GRIK1: variants seen among roughly 807,000 people sequenced by gnomAD.
GRIK1 encodes the protein glutamate receptor ionotropic, kainate 1.
A neutral mutation model predicts 105.7 loss-of-function variants in GRIK1; 69 were observed. That is an observed-to-expected ratio of 0.65 (90% confidence interval 0.54 to 0.80). GRIK1 has a LOEUF of 0.80. GRIK1 is among the 30% of genes least tolerant of loss of function. The probability of loss-of-function intolerance (pLI) is 0.00; values close to 1 mark genes in which losing one functional copy is unlikely to be tolerated. For missense variants in GRIK1, 1,109 were observed against 1,167.3 expected (o/e 0.95, Z 0.73); for synonymous variants, 438 against 431.3 (o/e 1.02, Z -0.19).
At chr21:29,740,177 T>A (rs372792255) in intron 1 of GRIK1, among the ~76,000 whole-genome samples, 1 of 151,918 alleles carries the variant, frequency 6.6e-6, no homozygotes, top group Non-Finnish European at 1.5e-5. Context: ...ATGGTCCTTA[T>A]CACATGGCAG....
chr21:29,774,975 A>T (rs963406309), intron 1 of GRIK1, among the ~76,000 whole-genome samples: 4 of 152,110 alleles, frequency 2.6e-5, no homozygotes, highest in African/African-American at 9.7e-5. Flanking sequence ...CCTGCTCCTC[A>T]TATACTATCC....
intron 1 of GRIK1, among the ~76,000 whole-genome samples, chr21:29,924,430 G>T (rs930778106): frequency 6.6e-6 from 1 of 151,982 alleles, no homozygotes; most frequent in African/African-American, 2.4e-5. Flanking sequence ...ATGAAGCATT[G>T]AGCTCATGAC....
rs115624089 is a variant in GRIK1 at position 29,605,223 on chromosome 21, G to C, written c.1099-6286C>G. Among the ~76,000 whole-genome samples, 438 of 152,076 alleles carry C rather than the reference G, an allele frequency of 2.9e-3. 4 individuals are homozygous for C. The highest frequency in any genetic ancestry group is 9.8e-3 in the African/African-American group (408 of 41,490). On this transcript the variant is annotated intron_variant, in intron 7 of 17. Coordinates refer to ENST00000327783, the MANE Select transcript of GRIK1 (RefSeq NM_001330994.2). ...TCCTGATGCTCTCCCTCCCCTGTCC[G>C]CATCTCTGACAGGCCCTAGTGTGTT... is the stretch of plus-strand genomic sequence containing the variant.
At chr21:29,881,013 G>T (rs1036896903) in intron 1 of GRIK1, among the ~76,000 whole-genome samples, 3 of 152,088 alleles carry the variant, frequency 2.0e-5, no homozygotes, top group African/African-American at 7.2e-5. Flanking sequence ...GTTTTGAGAA[G>T]CACCCAGGAG....
intron 4 of GRIK1, among the ~76,000 whole-genome samples, chr21:29,659,753 G>A (rs778668449): frequency 6.6e-6 from 1 of 152,158 alleles, no homozygotes; most frequent in Non-Finnish European, 1.5e-5. Context: ...CTGAGGTCGG[G>A]AGTTCAAGAT....
chr21:29,890,490 T>A (rs1007378775), intron 1 of GRIK1, among the ~76,000 whole-genome samples: 2 of 152,116 alleles, frequency 1.3e-5, no homozygotes, highest in Admixed American at 1.3e-4. Flanking sequence ...CAATAATGAC[T>A]CCCTCAACCA....
At chr21:29,601,971 C>T (rs1047235175) in intron 7 of GRIK1, among the ~76,000 whole-genome samples, 1 of 152,100 alleles carries the variant, frequency 6.6e-6, no homozygotes, top group African/African-American at 2.4e-5. Flanking sequence ...TTCTGTCACT[C>T]GTTTCTCTCT....
chr21:29,677,207 G>T (rs1475683789), intron 3 of GRIK1, among the ~76,000 whole-genome samples: 2 of 152,180 alleles, frequency 1.3e-5, no homozygotes, highest in Non-Finnish European at 2.9e-5. Context: ...GATGAATCTA[G>T]GTGAAGGGTG....
chr21:29,905,412 A>G (rs955111829), intron 1 of GRIK1, among the ~76,000 whole-genome samples: 6 of 139,662 alleles, frequency 4.3e-5, no homozygotes, highest in African/African-American at 1.7e-4. Context: ...TTATTTTTAA[A>G]AATTTTTATA....
intron 16 of GRIK1, among the ~76,000 whole-genome samples, chr21:29,551,906 G>A (rs1471342405): frequency 6.6e-6 from 1 of 152,046 alleles, no homozygotes; most frequent in Admixed American, 6.5e-5. Context: ...TGATTCTATT[G>A]ATTATGAAAA....
At chr21:29,594,838 T>G (rs2061381615) in intron 9 of GRIK1, among the ~76,000 whole-genome samples, 1 of 152,166 alleles carries the variant, frequency 6.6e-6, no homozygotes, top group African/African-American at 2.4e-5. Context: ...ATATAACAAA[T>G]ATTTTAGTGA....
At position 29,929,904 on chromosome 21, in the gene GRIK1, A is replaced by G. The variant is rs187286187; in HGVS notation, c.118+9479T>C. ...ACGTTATCCACAGTAGCCAAGATGC[A>G]GAGTCAACCTAAGTGTCCATCAGCG... On this transcript the variant is annotated intron_variant, in intron 1 of 17. Coordinates refer to ENST00000327783, the MANE Select transcript of GRIK1 (RefSeq NM_001330994.2). Among the ~76,000 whole-genome samples, 6 of 152,364 alleles carry G rather than the reference A, an allele frequency of 3.9e-5. No individual in the cohort carries two copies. In the East Asian group the frequency reaches 1.2e-3, roughly 29 times the overall value.
intron 1 of GRIK1, among the ~76,000 whole-genome samples, chr21:29,735,401 A>G (rs1049939989): frequency 6.6e-6 from 1 of 152,214 alleles, no homozygotes; most frequent in African/African-American, 2.4e-5. Context: ...TCACAAAGGC[A>G]CAATATGAGC....
At chr21:29,938,325 T>C (rs936052444) in intron 1 of GRIK1, among the ~76,000 whole-genome samples, 1 of 152,222 alleles carries the variant, frequency 6.6e-6, no homozygotes, top group African/African-American at 2.4e-5. Context: ...AAGAGACCCA[T>C]GTGATGTCAC....
chr21:29,608,142 A>G (rs363425), intron 7 of GRIK1, among the ~76,000 whole-genome samples: 83,062 of 151,980 alleles, frequency 0.55, 26,022 homozygotes, highest in African/African-American at 0.87. Context: ...TTACAGAGAA[A>G]CTGTAACTTA....
intron 1 of GRIK1, among the ~76,000 whole-genome samples, chr21:29,853,777 C>T (rs28562350): frequency 0.06 from 9,151 of 152,228 alleles, 682 homozygotes; most frequent in African/African-American, 0.17. Flanking sequence ...GACCAAAACC[C>T]CTGCTTTCCT....
chr21:29,680,845 A>G (rs1363763080), intron 3 of GRIK1, among the ~76,000 whole-genome samples: 1 of 152,186 alleles, frequency 6.6e-6, no homozygotes, highest in Non-Finnish European at 1.5e-5. Flanking sequence ...ATAGAAATAA[A>G]CATAGCAGGC....
intron 1 of GRIK1, among the ~76,000 whole-genome samples, chr21:29,731,683 T>C (rs1453425113): frequency 6.6e-6 from 1 of 152,190 alleles, no homozygotes; most frequent in Non-Finnish European, 1.5e-5. Flanking sequence ...TAATTGTTGA[T>C]CACCATCAAT....
chr21:29,687,268 G>A (rs994465935), intron 3 of GRIK1, among the ~76,000 whole-genome samples: 8 of 152,114 alleles, frequency 5.3e-5, no homozygotes, highest in Non-Finnish European at 1.5e-5. Flanking sequence ...GCTCTTTAAT[G>A]GGTACTTAAT....
Sources: gnomAD v4.1 joint callset for allele counts (sites outside exome capture counted in the v4.1 genomes callset) on GRCh38, gnomAD v4.1.1 for gene constraint, MANE v1.5 for transcripts, NCBI Gene and HGNC (gene_info 2026-07-23, HGNC 2026-07-21) for gene names.